The following CAGE1 variants were observed in gnomAD, a reference collection of about 807,000 sequenced individuals.
The protein encoded by CAGE1 is cancer-associated gene 1 protein.
CAGE1 carries 66 observed loss-of-function variants against 94.9 expected under a neutral mutation model. The ratio of observed to expected loss-of-function variants is 0.70; its 90% CI spans 0.57 to 0.85. The LOEUF is 0.85. Among genes scored for constraint, CAGE1 ranks in the 40% least tolerant of loss-of-function variants. CAGE1 has a pLI of 0.00. For missense variants in CAGE1, 865 were observed against 950.4 expected (o/e 0.91, Z 1.18); for synonymous variants, 319 against 321.0 (o/e 0.99, Z 0.07).
rs578061218 is a variant in CAGE1 at position 7,378,759 on chromosome 6, T to C, written c.545A>G (p.Tyr182Cys). The change falls in exon 4 of 14, where the codon TAT becomes TGT. Residue 182 changes from tyrosine to cysteine, a missense_variant. Tyr to Cys is a radical substitution (Grantham distance 194). Transcript: ENST00000502583. ...SANTDQLGNE[Y>C]FRQPPPRSPP... The stretch of plus-strand genomic sequence containing the variant: ...GCTTCTAGGAGGAGGCTGTCTAAAA[T>C]ACTCGTTACCAAGTTGGTCTGTATT... 27 of 1,613,998 alleles carry C rather than the reference T, an allele frequency of 1.7e-5. 1 individual carries two copies. In the South Asian group the frequency reaches 2.4e-4, roughly 14 times the overall value.
intron 11 of CAGE1, chr6:7,347,283 G>C (rs1009307620): frequency 1.3e-5 from 2 of 152,236 alleles, no homozygotes; most frequent in Admixed American, 1.3e-4. Flanking sequence ...CCAAACTGCA[G>C]AAGTGGGAAA....
chr6:7,349,495 A>G (rs917024682), intron 11 of CAGE1, among the ~76,000 whole-genome samples: 1 of 152,152 alleles, frequency 6.6e-6, no homozygotes, highest in African/African-American at 2.4e-5. Flanking sequence ...TAAAACAAAA[A>G]TACAATTTAA....
intron 13 of CAGE1, among the ~76,000 whole-genome samples, chr6:7,328,088 C>T (rs1264022032): frequency 2.0e-5 from 3 of 152,056 alleles, no homozygotes; most frequent in Non-Finnish European, 4.4e-5. Flanking sequence ...AAATAGGCCA[C>T]GGCATTTATG....
chr6:7,346,519 G>A (rs532040184), intron 11 of CAGE1, among the ~76,000 whole-genome samples: 261 of 150,140 alleles, frequency 1.7e-3, no homozygotes, highest in Middle Eastern at 3.5e-3. Flanking sequence ...ACTGCACTCC[G>A]GCCTGGGCGA....
At position 7,362,526 on chromosome 6, in the gene CAGE1, G is replaced by A. The variant is rs1760197673; in HGVS notation, c.2193+2942C>T. ...TCAAGGACCCTGTCTCAGGATGGAG[G>A]AGGCCAGGCTGTGAATGGAGCAGAT... On this transcript the variant is annotated intron_variant, in intron 9 of 13. Coordinates refer to ENST00000502583, the MANE Select transcript of CAGE1 (RefSeq NM_001170692.2). This position sits in a 1 kb window ranked among gnomAD's most constrained non-coding sequence, Gnocchi z 4.1. Among the ~76,000 whole-genome samples, 1 of 152,164 alleles carries A rather than the reference G, an allele frequency of 6.6e-6. No individual in the cohort carries two copies. The highest frequency in any genetic ancestry group is 1.5e-5 in the Non-Finnish European group (1 of 68,036).
chr6:7,354,398 T>G lies in CAGE1; in HGVS notation c.2369+643A>C, dbSNP rs1387272296. Among the ~76,000 whole-genome samples, 6 of 152,312 alleles carry G rather than the reference T, an allele frequency of 3.9e-5. No homozygotes were observed. In the South Asian group the frequency reaches 8.3e-4, roughly 21 times the overall value. The stretch of plus-strand genomic sequence containing the variant: ...ACAATTGTGAAAACCAAATGCAAAC[T>G]TTCTAAGATACAAATGCATGCACTT... On this transcript the variant is annotated intron_variant, in intron 11 of 13. Coordinates refer to ENST00000502583, the MANE Select transcript of CAGE1 (RefSeq NM_001170692.2).
chr6:7,368,715 A>G lies in CAGE1; in HGVS notation c.1977T>C (p.His659=), dbSNP rs750598416. ...DIMLQKLKSL[H]LKKKTLDKEL... ...CTTTATCTAAAGTTTTCTTTTTAAG[A>G]TGGAGGCTCTTCAGTTTTTGCAGCA... Residue 659 remains histidine, a synonymous_variant, in exon 7 of 14, where the codon CAT becomes CAC. Coordinates refer to ENST00000502583, the MANE Select transcript of CAGE1 (RefSeq NM_001170692.2). 6.5e-7 allele frequency: 1 copy of G among 1,536,828 alleles called. No individual in the cohort carries two copies. Among genetic ancestry groups the G allele is most frequent in the Non-Finnish European group, 8.8e-7 (1 of 1,137,894 alleles).
At chr6:7,358,345 A>G (rs567336197) in intron 9 of CAGE1, among the ~76,000 whole-genome samples, 1 of 152,006 alleles carries the variant, frequency 6.6e-6, no homozygotes, top group African/African-American at 2.4e-5. Context: ...AGGTTCTTCT[A>G]TGTTGCATGT....
intron 11 of CAGE1, among the ~76,000 whole-genome samples, chr6:7,345,489 T>A (rs1275969985): frequency 6.6e-6 from 1 of 152,190 alleles, no homozygotes; most frequent in Non-Finnish European, 1.5e-5. Flanking sequence ...AATGGCATAC[T>A]CACATTATAT....
chr6:7,381,002 C>A (rs1280142353), intron 3 of CAGE1, among the ~76,000 whole-genome samples: 1 of 152,208 alleles, frequency 6.6e-6, no homozygotes, highest in African/African-American at 2.4e-5. Context: ...CAAAACATGT[C>A]AAATTCATAT....
chr6:7,379,672 A>G (rs1760867878), intron 3 of CAGE1, among the ~76,000 whole-genome samples: 1 of 152,166 alleles, frequency 6.6e-6, no homozygotes, highest in Non-Finnish European at 1.5e-5. Flanking sequence ...CCTCCTCCCC[A>G]GAGATAACCA....
At chr6:7,372,814 G>A (rs773446168) in intron 5 of CAGE1, among the ~76,000 whole-genome samples, 3 of 151,984 alleles carry the variant, frequency 2.0e-5, no homozygotes, top group Non-Finnish European at 4.4e-5. Context: ...GACTATAGGC[G>A]CACACCACCA....
chr6:7,369,529 G>A (rs9505182), intron 6 of CAGE1, among the ~76,000 whole-genome samples: 14,101 of 151,994 alleles, frequency 0.093, 1,493 homozygotes, highest in African/African-American at 0.26. Flanking sequence ...GCCCTTCCCC[G>A]ACTCCTAACC....
chr6:7,373,497 A>G lies in CAGE1; in HGVS notation c.1322T>C (p.Met441Thr), dbSNP rs879012595. 1 of 1,613,848 alleles carries G rather than the reference A, an allele frequency of 6.2e-7. No homozygotes were observed. The highest frequency in any genetic ancestry group is 8.5e-7 in the Non-Finnish European group (1 of 1,179,850). ...TTCTTTCTTGCTTAAGGTTTTGTCC[A>G]TCTCTAAATACTGACTTACAGATTT... ...KNKSVSQYLE[M>T]DKTLSKKEEE... The change falls in exon 5 of 14, where the codon ATG (methionine) becomes ACG (threonine). Residue 441 changes from methionine (M) to threonine (T), a missense_variant. Physicochemically the swap from Met to Thr is moderately conservative, Grantham distance 81. Transcript: ENST00000502583.
chr6:7,384,719 C>CT (rs576124256), intron 3 of CAGE1, among the ~76,000 whole-genome samples: 8,491 of 146,362 alleles, frequency 0.058, 386 homozygotes, highest in African/African-American at 0.13. Context: ...ACACAGCTCT[C>CT]TTTTTTTTTT....
At chr6:7,369,152 CA>C (rs1760457029) in intron 6 of CAGE1, among the ~76,000 whole-genome samples, 2 of 151,918 alleles carry the variant, frequency 1.3e-5, no homozygotes, top group Non-Finnish European at 2.9e-5. Flanking sequence ...GGATTATAGG[CA>C]CCCGCCACCA....
chr6:7,334,772 A>G (rs7450797), intron 11 of CAGE1, among the ~76,000 whole-genome samples: 1 of 151,876 alleles, frequency 6.6e-6, no homozygotes, highest in Non-Finnish European at 1.5e-5. Flanking sequence ...GAAAAAAACC[A>G]AAAAACCCTG....
intron 11 of CAGE1, among the ~76,000 whole-genome samples, chr6:7,347,667 G>A (rs780663971): frequency 3.0e-4 from 45 of 152,190 alleles, no homozygotes; most frequent in Non-Finnish European, 6.2e-4. Context: ...CTGGGAGGCA[G>A]GTAGCCTGGG....
chr6:7,344,790 T>G (rs922524604), intron 11 of CAGE1, among the ~76,000 whole-genome samples: 1 of 152,240 alleles, frequency 6.6e-6, no homozygotes, highest in African/African-American at 2.4e-5. Flanking sequence ...ATCAGCACCC[T>G]GTGTGTAGCT....
Sources: allele counts gnomAD v4.1 joint callset (sites outside exome capture counted in the v4.1 genomes callset), GRCh38; gene constraint gnomAD v4.1.1; non-coding constraint Gnocchi (gnomAD v3.1); transcripts MANE v1.5; gene names NCBI Gene and HGNC (gene_info 2026-07-23, HGNC 2026-07-21).